The following POLR1D variants were observed in gnomAD, a reference collection of about 807,000 sequenced individuals.
The protein encoded by POLR1D is DNA-directed RNA polymerases I and III subunit RPAC2.
POLR1D carries 8 observed loss-of-function variants against 10.8 expected under a neutral mutation model. The ratio of observed to expected loss-of-function variants is 0.74; its 90% CI spans 0.43 to 1.33. The LOEUF (loss-of-function observed/expected upper bound fraction) is 1.33. POLR1D is among the 40% of genes most tolerant of loss of function. The pLI is 0.01. For synonymous variants in POLR1D, 54 were observed against 57.2 expected (o/e 0.94, Z 0.25); for missense variants, 152 against 161.7 (o/e 0.94, Z 0.32).
intron 1 of POLR1D, among the ~76,000 whole-genome samples, chr13:27,642,450 A>G (rs1361840105): frequency 6.6e-6 from 1 of 152,046 alleles, no homozygotes; most frequent in Non-Finnish European, 1.5e-5. Context: ...TTTTCATTAC[A>G]TTTATTTACC....
rs536203369 is a variant in POLR1D, at chr13:27,635,293, A to G, written c.27-13086A>G. Among the ~76,000 whole-genome samples, 179 of 152,238 alleles carry G rather than the reference A, an allele frequency of 1.2e-3. 1 individual carries two copies. The highest frequency in any genetic ancestry group is 8.7e-3 in the South Asian group (42 of 4,830). On this transcript the variant is annotated intron_variant, in intron 1 of 2. Coordinates refer to the POLR1D transcript ENST00000399697. ...TGTTCATTTTAACTTTTTCATCTAT[A>G]TTGTGCTAAAGCAGTACTTGATCAT...
At chr13:27,658,887 A>G (rs1956332027) in intron 2 of POLR1D, among the ~76,000 whole-genome samples, 1 of 152,202 alleles carries the variant, frequency 6.6e-6, no homozygotes, top group South Asian at 2.1e-4. Flanking sequence ...CTACTGCCCA[A>G]TATAATTTCT....
intron 2 of POLR1D, among the ~76,000 whole-genome samples, chr13:27,657,805 C>A (rs1956322684): frequency 6.6e-6 from 1 of 152,184 alleles, no homozygotes; most frequent in African/African-American, 2.4e-5. Context: ...GATTCTTGAT[C>A]TGTGTTGCTC....
At chr13:27,647,868 T>C (rs1956234320) in intron 1 of POLR1D, 1 of 160,300 alleles carries the variant, frequency 6.2e-6, no homozygotes, top group Non-Finnish European at 1.4e-5. Context: ...TATACTATTC[T>C]TAAGGTTCTT....
intron 2 of POLR1D, chr13:27,664,935 T>C (rs1235762246): frequency 6.6e-6 from 1 of 152,126 alleles, no homozygotes; most frequent in African/African-American, 2.4e-5. Flanking sequence ...TTTTTGAAAA[T>C]GAAAGATTTA....
intron 1 of POLR1D, among the ~76,000 whole-genome samples, chr13:27,639,782 G>A (rs181569435): frequency 6.9e-4 from 105 of 152,326 alleles, no homozygotes; most frequent in African/African-American, 2.4e-3. Context: ...ATTTGAGAAT[G>A]TCGAAGTCCA....
intron 1 of POLR1D, among the ~76,000 whole-genome samples, chr13:27,631,492 G>A (rs746660332): frequency 6.6e-6 from 1 of 152,160 alleles, no homozygotes; most frequent in African/African-American, 2.4e-5. Context: ...ACCAGGAGGT[G>A]GGGATCCTTG....
chr13:27,621,360 C>G (rs897239992), upstream of POLR1D: 5 of 152,394 alleles, frequency 3.3e-5, no homozygotes, highest in African/African-American at 1.2e-4. Context: ...TGCAAGCTCC[C>G]CGGTGAAACA....
In POLR1D at chr13:27,666,239, T is replaced by A. The variant is rs1956417795; in HGVS notation, c.*286T>A. On this transcript the variant is annotated 3_prime_UTR_variant, in exon 3 of 3. Coordinates refer to the POLR1D transcript ENST00000399697. The stretch of plus-strand genomic sequence containing the variant: ...TTGGAAGTGTGTTTCAAAATAAACA[T>A]GTCTAGAATTTAAAGTTTTCAGAGA... 8.6e-6 allele frequency: 3 copies of A among 348,456 alleles called. No homozygotes were observed. The South Asian group carries it at 2.9e-4, about 34-fold the overall frequency. The allele number at this position is 348,456 out of a possible 1,614,324, so 21.6% of individuals were successfully genotyped here.
chr13:27,664,854 A>C (rs1956399630), intron 2 of POLR1D: 1 of 152,256 alleles, frequency 6.6e-6, no homozygotes, highest in Non-Finnish European at 1.5e-5. Flanking sequence ...ATACTCCTAA[A>C]GTAGCCCATC....
chr13:27,632,222 T>C (rs1389191493), intron 1 of POLR1D, among the ~76,000 whole-genome samples: 1 of 152,196 alleles, frequency 6.6e-6, no homozygotes, highest in Non-Finnish European at 1.5e-5. Context: ...GCAAGAGCAG[T>C]ATGGGAGAGT....
chr13:27,640,309 A>AT (rs1956162440), intron 1 of POLR1D, among the ~76,000 whole-genome samples: 1 of 152,112 alleles, frequency 6.6e-6, no homozygotes. Flanking sequence ...GAAACACCCT[A>AT]CTCATGTTTT....
intron 1 of POLR1D, among the ~76,000 whole-genome samples, chr13:27,647,152 G>T (rs1444260757): frequency 6.6e-6 from 1 of 151,956 alleles, no homozygotes; most frequent in Non-Finnish European, 1.5e-5. Context: ...TCAAGTCAGG[G>T]ACGATCATCT....
chr13:27,641,709 A>G (rs1956174836), intron 1 of POLR1D, among the ~76,000 whole-genome samples: 1 of 152,210 alleles, frequency 6.6e-6, no homozygotes, highest in South Asian at 2.1e-4. Context: ...ATAAGAAAGG[A>G]GCAGTTACAT....
chr13:27,621,829 C>T, upstream of POLR1D: 1 of 741,352 alleles, frequency 1.3e-6, no homozygotes. Context: ...CGCGGCTGGG[C>T]CCTGCCGCGC....
At chr13:27,637,563 G>A (rs991936145) in intron 1 of POLR1D, among the ~76,000 whole-genome samples, 1 of 152,164 alleles carries the variant, frequency 6.6e-6, no homozygotes, top group Non-Finnish European at 1.5e-5. Flanking sequence ...TTAGGTTTAT[G>A]TGTATGTTTA....
intron 1 of POLR1D, chr13:27,648,099 A>AAAAGAT: frequency 3.7e-6 from 1 of 272,564 alleles, no homozygotes. Flanking sequence ...AATTAATAAG[A>AAAAGAT]AAAGATAATT....
rs1213973570 is a variant in POLR1D at position 27,622,156 on chromosome 13, G to A, written c.26+147G>A. On this transcript the variant is annotated intron_variant, in intron 1 of 1. Transcript: ENST00000302979. Reference sequence around the variant, plus strand: ...AGAGAAGTGGGGAGGAGACATGAATGTGTTTCAGTTGAGAGGCTGAGAGGT... The same window carrying A: ...AGAGAAGTGGGGAGGAGACATGAATATGTTTCAGTTGAGAGGCTGAGAGGT... The A allele has an allele frequency of 1.5e-5, 11 of 719,088 alleles. No homozygotes were observed. The Admixed American group carries it at 2.2e-4, about 14-fold the overall frequency. The allele number at this position is 719,088 out of a possible 1,614,324, so 44.5% of individuals were successfully genotyped here. A position where few individuals can be genotyped will look rare whatever the true frequency, so the allele number is the denominator to read the frequency against.
exon 3 of POLR1D, chr13:27,665,983 G>A: frequency 1.2e-6 from 2 of 1,610,114 alleles, no homozygotes; most frequent in South Asian, 1.1e-5. Context: ...CAGCCCTGCG[G>A]GCCTCCGTGC....
Sources: gnomAD v4.1 joint callset for allele counts (sites outside exome capture counted in the v4.1 genomes callset) on GRCh38, gnomAD v4.1.1 for gene constraint, MANE v1.5 for transcripts, NCBI Gene and HGNC (gene_info 2026-07-23, HGNC 2026-07-21) for gene names.